Variants in KIAA1549L observed in about 807,000 individuals in gnomAD.
KIAA1549L encodes KIAA1549 like, also known as UPF0606 protein KIAA1549L.
KIAA1549L carries 88 observed loss-of-function variants against 160.7 expected under a neutral mutation model. The ratio of observed to expected loss-of-function variants is 0.55; its 90% CI spans 0.46 to 0.65. The LOEUF (loss-of-function observed/expected upper bound fraction) is 0.65. Among genes scored for constraint, KIAA1549L ranks in the 30% least tolerant of loss-of-function variants. The pLI is 0.00. For synonymous variants in KIAA1549L, 950 were observed against 976.7 expected (o/e 0.97, Z 0.51); for missense variants, 2,258 against 2,437.5 (o/e 0.93, Z 1.55).
At chr11:33,532,205 G>A (rs1331705892) in intron 1 of KIAA1549L, among the ~76,000 whole-genome samples, 3 of 152,152 alleles carry the variant, frequency 2.0e-5, no homozygotes, top group Admixed American at 1.3e-4. Flanking sequence ...TATCTCACAG[G>A]TACTATGGAA....
At chr11:33,402,250 T>G (rs796306959) in intron 1 of KIAA1549L, among the ~76,000 whole-genome samples, 2 of 152,336 alleles carry the variant, frequency 1.3e-5, no homozygotes, top group African/African-American at 4.8e-5. Flanking sequence ...AGCTTCTGTC[T>G]GCTTGGCCGC....
At chr11:33,566,689 G>A (rs777681964) in intron 8 of KIAA1549L, among the ~76,000 whole-genome samples, 3 of 152,128 alleles carry the variant, frequency 2.0e-5, no homozygotes, top group Non-Finnish European at 4.4e-5. Context: ...TGTTGTCGCC[G>A]GTTATCTGGG....
chr11:33,623,983 C>T (rs1267960623), intron 16 of KIAA1549L, among the ~76,000 whole-genome samples: 1 of 152,152 alleles, frequency 6.6e-6, no homozygotes, highest in East Asian at 1.9e-4. Context: ...ACTCTGGGAC[C>T]TCCTACCCTC....
chr11:33,561,624 G>A (rs976824278), intron 7 of KIAA1549L, 52 bp from the exon 8 acceptor site: 55 of 1,364,434 alleles, frequency 4.0e-5, no homozygotes, highest in Middle Eastern at 1.8e-4. Context: ...TAAATGAAAC[G>A]AAACAAATCA....
Position 33,656,102 on chromosome 11 carries a change from C to T in KIAA1549L, c.5851C>T (p.Leu1951Phe), listed in dbSNP as rs1189354402. Residue 1951 changes from leucine (L) to phenylalanine (F), a missense_variant, in exon 18 of 21, where the codon CTC (leucine) becomes TTC (phenylalanine). This residue lies in a region of KIAA1549L where 1,359 missense variants were observed against 1,546.6 expected (regional missense o/e 0.88). Coordinates refer to ENST00000658780, the MANE Select transcript of KIAA1549L (RefSeq NM_012194.3). ...GACTGGTCCTGTGGCTGTCGCTTCT[C>T]TCAGGCGGTAACACGTTCCTTTCTT... Reference protein sequence around the residue: ...PRTGPVAVASLRRSTSDIGSK... With the variant: ...PRTGPVAVASFRRSTSDIGSK... 6.2e-7 allele frequency: 1 copy of T among 1,612,044 alleles called. No individual in the cohort carries two copies. The highest frequency in any genetic ancestry group is 8.5e-7 in the Non-Finnish European group (1 of 1,178,404).
intron 15 of KIAA1549L, among the ~76,000 whole-genome samples, chr11:33,614,180 A>G (rs1327672743): frequency 1.3e-5 from 2 of 152,054 alleles, no homozygotes; most frequent in East Asian, 3.9e-4. Flanking sequence ...TACATTTTCT[A>G]GTTTCTATAT....
At chr11:33,560,328 C>T (rs111599934) in intron 7 of KIAA1549L, among the ~76,000 whole-genome samples, 2 of 152,146 alleles carry the variant, frequency 1.3e-5, no homozygotes, top group African/African-American at 2.4e-5. Context: ...GGGTTTTGAA[C>T]CCAAGCAGTC....
chr11:33,504,179 C>T (rs575233124), intron 1 of KIAA1549L, among the ~76,000 whole-genome samples: 31 of 151,954 alleles, frequency 2.0e-4, no homozygotes, highest in African/African-American at 6.5e-4. Flanking sequence ...GAGAATTGCT[C>T]GAACCGGGGA....
chr11:33,440,704 A>C (rs370934377), intron 1 of KIAA1549L, among the ~76,000 whole-genome samples: 1 of 152,150 alleles, frequency 6.6e-6, no homozygotes, highest in East Asian at 1.9e-4. Context: ...ATTTATCCAC[A>C]TTTATAGTTT....
At chr11:33,505,266 A>G (rs1853054080) in intron 1 of KIAA1549L, among the ~76,000 whole-genome samples, 1 of 152,232 alleles carries the variant, frequency 6.6e-6, no homozygotes, top group Non-Finnish European at 1.5e-5. Flanking sequence ...GGGAATCTTA[A>G]CATGTGAGTG....
At position 33,474,167 on chromosome 11, in the gene KIAA1549L, C is replaced by T. The variant is rs192626459; in HGVS notation, c.239-67635C>T. 6.6e-4 allele frequency among the ~76,000 whole-genome samples: 100 copies of T among 152,318 alleles called. 1 individual carries two copies. Among genetic ancestry groups the T allele is most frequent in the Middle Eastern group, 3.4e-3 (1 of 294 alleles). The stretch of plus-strand genomic sequence containing the variant: ...ATTCATGAGTGATCCTCTGCCATGA[C>T]CAAAACACCTCCCACCAGGCCCCAC... On this transcript the variant is annotated intron_variant, in intron 1 of 20. Transcript: ENST00000658780.
At chr11:33,573,070 T>C (rs1191951029) in intron 9 of KIAA1549L, among the ~76,000 whole-genome samples, 3 of 152,236 alleles carry the variant, frequency 2.0e-5, no homozygotes, top group Non-Finnish European at 2.9e-5. Context: ...TATTCAGACA[T>C]CTTCCTTTGT....
In KIAA1549L at chr11:33,542,952, G is replaced by A. The variant is rs1000283870; in HGVS notation, c.1389G>A (p.Ser463=). 20 of 1,614,028 alleles carry A rather than the reference G, an allele frequency of 1.2e-5. No individual in the cohort carries two copies. Among genetic ancestry groups the A allele is most frequent in the South Asian group, 9.9e-5 (9 of 91,090 alleles). The change falls in exon 2 of 21, where the codon TCG becomes TCA. Residue 463 remains serine (S), a synonymous_variant. Transcript: ENST00000658780. ...APENSRGPAL[S]AEHTSSLVPS... ...AGAATTCCAGAGGGCCCGCCCTTTC[G>A]GCAGAACACACCTCTTCTTTGGTGC...
At chr11:33,630,278 C>T (rs61888348) in intron 16 of KIAA1549L, among the ~76,000 whole-genome samples, 1 of 152,252 alleles carries the variant, frequency 6.6e-6, no homozygotes, top group African/African-American at 2.4e-5. Flanking sequence ...CAGAGGCAGG[C>T]AGGCCTCCTT....
chr11:33,393,343 T>A (rs1248298023), intron 1 of KIAA1549L, among the ~76,000 whole-genome samples: 2 of 152,196 alleles, frequency 1.3e-5, no homozygotes, highest in Non-Finnish European at 2.9e-5. Flanking sequence ...AGGAGTTAGA[T>A]GCCGTCTTCT....
chr11:33,484,330 C>T (rs138953841), intron 1 of KIAA1549L, among the ~76,000 whole-genome samples: 27 of 152,178 alleles, frequency 1.8e-4, no homozygotes, highest in African/African-American at 6.3e-4. Context: ...TCAGTATCAC[C>T]GCCTTTGTTT....
chr11:33,639,674 G>T (rs1432944942), intron 16 of KIAA1549L, among the ~76,000 whole-genome samples: 1 of 152,120 alleles, frequency 6.6e-6, no homozygotes, highest in Admixed American at 6.5e-5. Flanking sequence ...GGAGTAGCTG[G>T]GATCACAGGC....
chr11:33,389,120 C>G (rs1457453781), intron 1 of KIAA1549L, among the ~76,000 whole-genome samples: 1 of 152,190 alleles, frequency 6.6e-6, no homozygotes, highest in Non-Finnish European at 1.5e-5. Context: ...TTATGCAGTT[C>G]AAGTAAATGG....
At chr11:33,648,937 C>T (rs1455888636) in intron 17 of KIAA1549L, among the ~76,000 whole-genome samples, 1 of 152,210 alleles carries the variant, frequency 6.6e-6, no homozygotes, top group African/African-American at 2.4e-5. Flanking sequence ...CTACTGGACA[C>T]AGCTAAGTGC....
Sources: gnomAD v4.1 joint callset for allele counts (sites outside exome capture counted in the v4.1 genomes callset) on GRCh38, gnomAD v4.1.1 for gene constraint, gnomAD v4.1.1 regional missense constraint, MANE v1.5 for transcripts, NCBI Gene and HGNC (gene_info 2026-07-23, HGNC 2026-07-21) for gene names.